The following LARP1 variants were observed in gnomAD, a reference collection of about 807,000 sequenced individuals.
The protein encoded by LARP1 is La ribonucleoprotein 1, translational regulator.
Under a neutral mutation model 122.7 loss-of-function variants are expected in LARP1, and 36 were observed. That is an observed-to-expected ratio of 0.29 (90% CI 0.22 to 0.39). The LOEUF is 0.39. Ranked by LOEUF, LARP1 falls within the 10% of genes least tolerant of loss-of-function variation. The probability of loss-of-function intolerance (pLI) is 1.00; values close to 1 mark genes in which losing one functional copy is unlikely to be tolerated. For synonymous variants in LARP1, 539 were observed against 528.7 expected (o/e 1.02, Z -0.27); for missense variants, 1,040 against 1,403.6 (o/e 0.74, Z 4.14).
intron 10 of LARP1, 47 bp from the exon 11 acceptor site, chr5:154,801,960 C>T (rs1758385800): frequency 6.5e-7 from 1 of 1,548,598 alleles, no homozygotes; most frequent in Non-Finnish European, 8.7e-7. Context: ...GAATCTGGGC[C>T]AAGGATCTCT....
intron 1 of LARP1, among the ~76,000 whole-genome samples, chr5:154,769,735 A>G (rs1363615497): frequency 6.6e-6 from 1 of 152,242 alleles, no homozygotes; most frequent in Non-Finnish European, 1.5e-5. Context: ...TCTGTTAAGC[A>G]CAAACACCCT....
At chr5:154,728,659 AAT>A (rs1756372907) in intron 1 of LARP1, among the ~76,000 whole-genome samples, 1 of 152,172 alleles carries the variant, frequency 6.6e-6, no homozygotes, top group Non-Finnish European at 1.5e-5. Flanking sequence ...CAGTACTTTG[AAT>A]ATGGAAAGTT....
At chr5:154,754,958 G>C (rs1209766122), upstream of LARP1, among the ~76,000 whole-genome samples, 1 of 152,186 alleles carries the variant, frequency 6.6e-6, no homozygotes, top group African/African-American at 2.4e-5. Flanking sequence ...GAGCAGGCCC[G>C]GCAGGCCGCG....
chr5:154,775,554 C>A (rs1270105135), intron 1 of LARP1, among the ~76,000 whole-genome samples: 3 of 151,464 alleles, frequency 2.0e-5, no homozygotes, highest in African/African-American at 7.3e-5. Context: ...CCCAGGCCTT[C>A]AGGTTGCAGA....
intron 16 of LARP1, among the ~76,000 whole-genome samples, chr5:154,809,500 A>G (rs934975520): frequency 2.0e-5 from 3 of 151,978 alleles, no homozygotes; most frequent in African/African-American, 4.8e-5. Flanking sequence ...GGCATATTTA[A>G]TGTATTTAGC....
At chr5:154,767,404 C>T (rs949124938) in intron 1 of LARP1, among the ~76,000 whole-genome samples, 14 of 152,274 alleles carry the variant, frequency 9.2e-5, no homozygotes, top group African/African-American at 3.4e-4. Flanking sequence ...CCTCTGTTGT[C>T]CTGGGTCCTC....
rs371694351 is a variant in LARP1 at position 154,765,833 on chromosome 5, A to G, written c.436+9640A>G. ...CATTTAGTGAAAGAATGAATTGCGTATTTTTAATGGCATTCATTCATTACA... is the reference window on the plus strand; with the variant it reads ...CATTTAGTGAAAGAATGAATTGCGTGTTTTTAATGGCATTCATTCATTACA... On this transcript the variant is annotated intron_variant, in intron 1 of 18. Coordinates refer to ENST00000518297, the MANE Select transcript of LARP1 (RefSeq NM_033551.3). 8.5e-5 allele frequency among the ~76,000 whole-genome samples: 13 copies of G among 152,352 alleles called. No individual in the cohort carries two copies. The East Asian group carries it at 2.1e-3, about 25-fold the overall frequency.
At chr5:154,783,118 C>G (rs1466283235) in intron 1 of LARP1, among the ~76,000 whole-genome samples, 1 of 152,188 alleles carries the variant, frequency 6.6e-6, no homozygotes, top group Admixed American at 6.5e-5. Context: ...CTTCCACAGT[C>G]AGGGTCCCTG....
upstream of LARP1, among the ~76,000 whole-genome samples, chr5:154,753,876 G>A (rs1753639990): frequency 6.6e-6 from 1 of 152,166 alleles, no homozygotes; most frequent in Admixed American, 6.5e-5. Flanking sequence ...TTTTCATTCA[G>A]TCTTCTCCTA....
rs1757240354 is a variant in LARP1, at chr5:154,790,306, TC to T, written c.437-16del. 8 of 1,609,824 alleles carry T rather than the reference TC, an allele frequency of 5.0e-6. No individual in the cohort carries two copies. Among genetic ancestry groups the T allele is most frequent in the East Asian group, 4.5e-5 (2 of 44,816 alleles). ...CACATGGGCTTTGCATTACTAACTC[TC>T]CCTTCTTGTTCCCACAGAACACTCT... On this transcript the variant is annotated intron_variant, in intron 1 of 18. Transcript: ENST00000518297.
chr5:154,711,855 A>G (rs2113294495), upstream of LARP1, among the ~76,000 whole-genome samples: 1 of 152,292 alleles, frequency 6.6e-6, no homozygotes, highest in Non-Finnish European at 1.5e-5. Context: ...CTCTTGCTCC[A>G]GCTCTTCCAA....
chr5:154,752,688 C>T (rs150184709), upstream of LARP1, among the ~76,000 whole-genome samples: 513 of 152,014 alleles, frequency 3.4e-3, 2 homozygotes, highest in African/African-American at 0.012. Context: ...CTTGTAATCC[C>T]AGCACTTTGG....
At position 154,794,158 on chromosome 5, in the gene LARP1, G is replaced by A. The variant is rs373569358; in HGVS notation, c.1128G>A (p.Thr376=). The change falls in exon 7 of 19, where the codon ACG becomes ACA. Residue 376 remains threonine (T), a synonymous_variant. Transcript: ENST00000518297. ...RKFDGVEGPR[T]PKYMNNITYY... is the part of the protein sequence containing the mutation. Reference sequence around the variant, plus strand: ...TTGATGGTGTGGAGGGGCCTCGTACGCCCAAGTACATGAACAACATCACCT... The same window carrying A: ...TTGATGGTGTGGAGGGGCCTCGTACACCCAAGTACATGAACAACATCACCT... 2.4e-5 allele frequency: 39 copies of A among 1,614,142 alleles called. No individual in the cohort carries two copies. Among genetic ancestry groups the A allele is most frequent in the African/African-American group, 1.7e-4 (13 of 75,016 alleles).
At chr5:154,695,207 C>T (rs889827035) in intron 1 of LARP1, among the ~76,000 whole-genome samples, 1 of 151,486 alleles carries the variant, frequency 6.6e-6, no homozygotes, top group Non-Finnish European at 1.5e-5. Context: ...CCCAGCTACT[C>T]GGGAGGCTGA....
chr5:154,811,560 A>G lies in LARP1; in HGVS notation c.3001A>G (p.Lys1001Glu), dbSNP rs778895136. The G allele has an allele frequency of 1.2e-6, 2 of 1,614,228 alleles. No individual in the cohort carries two copies. The highest frequency in any genetic ancestry group is 1.7e-6 in the Non-Finnish European group (2 of 1,180,048). Residue 1001 changes from lysine to glutamate, a missense_variant, in exon 18 of 19, where the codon AAA (lysine) becomes GAA (glutamate). Around this residue, in one of 8 missense-constraint regions of LARP1, gnomAD observed 129 missense variants for 160.8 expected, o/e 0.80. Coordinates refer to ENST00000518297, the MANE Select transcript of LARP1 (RefSeq NM_033551.3). ...EKFWAFLKYS[K>E]AKNLDIDPKL... ...GTTCTGGGCCTTCTTGAAATATTCC[A>G]AAGCCAAAAATTTGGACATTGACCC...
intron 1 of LARP1, among the ~76,000 whole-genome samples, chr5:154,724,887 A>G (rs1756101669): frequency 1.3e-5 from 2 of 152,052 alleles, no homozygotes; most frequent in Non-Finnish European, 2.9e-5. Flanking sequence ...AGCTGGTCTC[A>G]AACTCCTGAG....
At chr5:154,801,493 C>T (rs570465828) in intron 10 of LARP1, among the ~76,000 whole-genome samples, 1 of 152,294 alleles carries the variant, frequency 6.6e-6, no homozygotes, top group East Asian at 1.9e-4. Context: ...TTAGGTTTTT[C>T]ATACAGAGCT....
intron 1 of LARP1, among the ~76,000 whole-genome samples, chr5:154,727,314 G>A (rs1219738361): frequency 1.3e-5 from 2 of 152,194 alleles, no homozygotes; most frequent in African/African-American, 4.8e-5. Flanking sequence ...TATAACTGCT[G>A]ATAGTAAAAG....
chr5:154,695,296 A>C (rs192760683), intron 1 of LARP1, among the ~76,000 whole-genome samples: 79 of 152,168 alleles, frequency 5.2e-4, no homozygotes, highest in Admixed American at 1.6e-3. Flanking sequence ...TGGGGGACAG[A>C]GTGAGACTCC....
Sources: allele counts gnomAD v4.1 joint callset (sites outside exome capture counted in the v4.1 genomes callset), GRCh38; gene constraint gnomAD v4.1.1; regional missense constraint gnomAD v4.1.1; transcripts MANE v1.5; gene names NCBI Gene and HGNC (gene_info 2026-07-23, HGNC 2026-07-21).